Variants in MBNL2 observed in about 807,000 individuals in gnomAD.
MBNL2 encodes the protein muscleblind-like protein 2.
MBNL2 carries 17 observed loss-of-function variants against 41.9 expected under a neutral mutation model. That is an observed-to-expected ratio of 0.41 (90% confidence interval 0.28 to 0.61). The LOEUF is 0.61. Ranked by LOEUF, MBNL2 falls within the 20% of genes least tolerant of loss-of-function variation. The pLI is 0.35. For synonymous variants in MBNL2, 195 were observed against 182.9 expected (o/e 1.07, Z -0.53); for missense variants, 336 against 505.6 (o/e 0.66, Z 3.22).
intron 8 of MBNL2, among the ~76,000 whole-genome samples, chr13:97,374,856 G>A (rs1193236972): frequency 6.6e-6 from 1 of 152,166 alleles, no homozygotes; most frequent in Non-Finnish European, 1.5e-5. Flanking sequence ...CTATATGGGT[G>A]TTTATTTCCA....
At chr13:97,348,229 C>CTAAT (rs992106558) in intron 5 of MBNL2, among the ~76,000 whole-genome samples, 2 of 151,846 alleles carry the variant, frequency 1.3e-5, no homozygotes, top group African/African-American at 4.8e-5. Context: ...CATCTAAGTT[C>CTAAT]TAATTTTTTT....
At chr13:97,375,887 C>T (rs545655326) in intron 8 of MBNL2, among the ~76,000 whole-genome samples, 4 of 152,138 alleles carry the variant, frequency 2.6e-5, no homozygotes, top group African/African-American at 9.6e-5. Context: ...TGTGAGCCAG[C>T]GAGTGGGGTG....
intron 3 of MBNL2, among the ~76,000 whole-genome samples, chr13:97,338,785 G>C (rs2061115973): frequency 6.6e-6 from 1 of 152,244 alleles, no homozygotes; most frequent in African/African-American, 2.4e-5. Flanking sequence ...TGGCAGTAGA[G>C]GGAGGAGGCT....
At chr13:97,307,505 C>T (rs967333800) in intron 2 of MBNL2, among the ~76,000 whole-genome samples, 17 of 151,860 alleles carry the variant, frequency 1.1e-4, no homozygotes, top group African/African-American at 2.4e-4. Context: ...GCCGACATAC[C>T]GTTATATTGG....
chr13:97,216,454 C>T (rs1271702632), upstream of MBNL2, among the ~76,000 whole-genome samples: 1 of 152,098 alleles, frequency 6.6e-6, no homozygotes, highest in Admixed American at 6.5e-5. Flanking sequence ...GCGGGATAGG[C>T]TTGAAACATT....
intron 2 of MBNL2, among the ~76,000 whole-genome samples, chr13:97,304,175 A>C (rs1176736523): frequency 1.3e-5 from 2 of 152,198 alleles, no homozygotes; most frequent in Non-Finnish European, 2.9e-5. Context: ...AGGGGACAGG[A>C]ATTTGCATTT....
At chr13:97,195,990 C>A in the MBNL2 span, among the ~76,000 whole-genome samples, 1 of 152,154 alleles carries the variant, frequency 6.6e-6, no homozygotes, top group Non-Finnish European at 1.5e-5. Flanking sequence ...GTGCTGCATT[C>A]GTTTTAGCCT....
intron 2 of MBNL2, among the ~76,000 whole-genome samples, chr13:97,294,932 T>C (rs552598370): frequency 7.4e-4 from 113 of 152,196 alleles, no homozygotes; most frequent in African/African-American, 2.6e-3. Flanking sequence ...AGCCTATAAG[T>C]CATTAACTAT....
intron 1 of MBNL2, among the ~76,000 whole-genome samples, chr13:97,230,083 A>AG (rs1182069236): frequency 6.6e-6 from 1 of 152,186 alleles, no homozygotes; most frequent in Non-Finnish European, 1.5e-5. Context: ...GGATCACCTG[A>AG]GGTTGGGAGT....
chr13:97,197,909 G>A, the MBNL2 span, among the ~76,000 whole-genome samples: 4 of 152,102 alleles, frequency 2.6e-5, no homozygotes, highest in African/African-American at 4.8e-5. Flanking sequence ...GTATACAAAT[G>A]TTTAGCAAGT....
At chr13:97,190,901 A>G in the MBNL2 span, among the ~76,000 whole-genome samples, 3 of 152,254 alleles carry the variant, frequency 2.0e-5, no homozygotes, top group South Asian at 2.1e-4. Flanking sequence ...CTTGAAACCT[A>G]TCATCTGTTA....
chr13:97,341,240 C>CT (rs2061417458), intron 3 of MBNL2, among the ~76,000 whole-genome samples: 1 of 152,200 alleles, frequency 6.6e-6, no homozygotes, highest in South Asian at 2.1e-4. Context: ...CAGCCTAGAT[C>CT]TACTGGGTCA....
At position 97,330,812 on chromosome 13, in the gene MBNL2, T is replaced by C. The variant is rs568420828; in HGVS notation, c.175-3464T>C. On this transcript the variant is annotated intron_variant, in intron 2 of 8. Transcript: ENST00000679496. The stretch of plus-strand genomic sequence containing the variant: ...TTTATTTTGACAATAGCTTATCCAT[T>C]AGGATTTTACAATCCTATAGGATCC... Among the ~76,000 whole-genome samples, 3 of 152,336 alleles carry C rather than the reference T, an allele frequency of 2.0e-5. No individual in the cohort carries two copies. The South Asian group carries it at 6.2e-4, about 32-fold the overall frequency.
intron 3 of MBNL2, among the ~76,000 whole-genome samples, chr13:97,338,881 G>T (rs1323368557): frequency 1.3e-5 from 2 of 152,106 alleles, no homozygotes; most frequent in East Asian, 3.9e-4. Context: ...GTGGGACGAC[G>T]GCATTCTCGC....
upstream of MBNL2, among the ~76,000 whole-genome samples, chr13:97,218,408 T>C (rs1044207315): frequency 3.1e-5 from 1 of 31,988 alleles, no homozygotes; most frequent in Non-Finnish European, 6.3e-5. Context: ...AGACTCTGTC[T>C]CAAAAAAAAA....
chr13:97,208,925 T>G, the MBNL2 span, among the ~76,000 whole-genome samples: 2 of 152,206 alleles, frequency 1.3e-5, no homozygotes, highest in African/African-American at 4.8e-5. Context: ...ACAGTGGCCC[T>G]GGACATAAAC....
At chr13:97,197,838 T>G in the MBNL2 span, among the ~76,000 whole-genome samples, 1 of 152,178 alleles carries the variant, frequency 6.6e-6, no homozygotes, top group East Asian at 1.9e-4. Context: ...TATTCTTTGT[T>G]TTGTGGTTGT....
At chr13:97,382,665 G>A (rs1462716523) in intron 8 of MBNL2, among the ~76,000 whole-genome samples, 1 of 149,824 alleles carries the variant, frequency 6.7e-6, no homozygotes, top group African/African-American at 2.5e-5. Flanking sequence ...GGTTTCATCT[G>A]CCAACTATTT....
chr13:97,246,269 G>A (rs2045438628), intron 1 of MBNL2, among the ~76,000 whole-genome samples: 2 of 138,734 alleles, frequency 1.4e-5, no homozygotes, highest in Non-Finnish European at 3.0e-5. Flanking sequence ...GTTGGCTACT[G>A]TTATTTCACA....
Sources: gnomAD v4.1 joint callset for allele counts (sites outside exome capture counted in the v4.1 genomes callset) on GRCh38, gnomAD v4.1.1 for gene constraint, MANE v1.5 for transcripts, NCBI Gene and HGNC (gene_info 2026-07-23, HGNC 2026-07-21) for gene names.